MBNL3: variants seen among roughly 807,000 people sequenced by gnomAD.
MBNL3 encodes muscleblind like splicing regulator 3.
A neutral mutation model predicts 24.5 loss-of-function variants in MBNL3; 6 were observed. That is an observed-to-expected ratio of 0.25 (90% CI 0.13 to 0.48). The LOEUF (loss-of-function observed/expected upper bound fraction) is 0.48, where lower values mean the gene tolerates loss of function less well. Among genes scored for constraint, MBNL3 ranks in the 20% least tolerant of loss-of-function variants. The pLI is 0.99. For synonymous variants in MBNL3, 100 were observed against 101.7 expected, an observed-to-expected ratio of 0.98 and a Z score of 0.10; for missense variants, 230 against 293.5, an observed-to-expected ratio of 0.78 and a Z score of 1.58.
At position 132,487,955 on chromosome X, in the gene MBNL3, C is replaced by G. The variant is rs760916508; in HGVS notation, c.-704+896G>C. The stretch of plus-strand genomic sequence containing the variant: ...TTTCCAAACATTATATCAGTAATCA[C>G]CCAAACGTTTATTCACTAAAGCAGG... On this transcript the variant is annotated intron_variant, in intron 1 of 8. Coordinates refer to ENST00000370853, the MANE Select transcript of MBNL3 (RefSeq NM_001386889.1). Among the ~76,000 whole-genome samples, 9 of 111,728 alleles carry G rather than the reference C, an allele frequency of 8.1e-5. No individual in the cohort carries two copies. The East Asian group carries it at 2.3e-3, about 28-fold the overall frequency.
intron 2 of MBNL3, among the ~76,000 whole-genome samples, chrX:132,423,361 CT>C (rs1275417005): frequency 2.2e-4 from 25 of 111,189 alleles, no homozygotes; most frequent in Admixed American, 1.7e-3. Context: ...AAAACTGCCC[CT>C]CAGCTCTCCA....
At chrX:132,379,744 C>A in intron 8 of MBNL3, 67 bp from the exon 9 acceptor site, 1 of 917,639 alleles carries the variant, frequency 1.1e-6, no homozygotes, top group Non-Finnish European at 1.6e-6. Context: ...AAGGAAGAGT[C>A]AGGAGAGTGT....
intron 1 of MBNL3, among the ~76,000 whole-genome samples, chrX:132,445,634 T>C: frequency 1.8e-5 from 2 of 111,162 alleles, no homozygotes; most frequent in Middle Eastern, 4.6e-3. Context: ...AGTTCATACA[T>C]ATAATCATAA....
chrX:132,485,728 C>A (rs1947978111), intron 1 of MBNL3, among the ~76,000 whole-genome samples: 1 of 112,254 alleles, frequency 8.9e-6, no homozygotes, highest in Non-Finnish European at 1.9e-5. Context: ...CAACTTGCTC[C>A]CAGACACAGT....
intron 2 of MBNL3, among the ~76,000 whole-genome samples, chrX:132,416,514 T>C (rs943223133): frequency 9.0e-6 from 1 of 111,547 alleles, no homozygotes; most frequent in Non-Finnish European, 1.9e-5. Flanking sequence ...AGGTCTAGTA[T>C]TCAGTAGCAC....
intron 1 of MBNL3, among the ~76,000 whole-genome samples, chrX:132,448,224 C>G (rs1165681306): frequency 1.8e-5 from 2 of 111,786 alleles, no homozygotes; most frequent in Admixed American, 1.9e-4. Flanking sequence ...ATGGGACCAG[C>G]TCCTCTTTGT....
At position 132,395,971 on chromosome X, in the gene MBNL3, G is replaced by A. The variant is rs181137761; in HGVS notation, c.343-3637C>T. Among the ~76,000 whole-genome samples the A allele has an allele frequency of 4.1e-4, 45 of 110,568 alleles. No homozygotes were observed. The East Asian group carries it at 0.012, about 29-fold the overall frequency. On this transcript the variant is annotated intron_variant, in intron 3 of 8. Transcript: ENST00000370853. ...CATAAGCCAAATTCAGCCTGCCTGTGTTTTTGTATGGCCAGCAATCTAAGA... is the reference window on the plus strand; with the variant it reads ...CATAAGCCAAATTCAGCCTGCCTGTATTTTTGTATGGCCAGCAATCTAAGA...
chrX:132,453,313 G>C (rs1946202739), intron 1 of MBNL3, among the ~76,000 whole-genome samples: 1 of 111,718 alleles, frequency 9.0e-6, no homozygotes. Context: ...TTTACTTAAG[G>C]AGCCCACAGC....
chrX:132,408,117 TTTTTTTTTTTTTTTTTTTTTTTTTTTTTA>T (rs1942144374), intron 2 of MBNL3, among the ~76,000 whole-genome samples: 1 of 48,369 alleles, frequency 2.1e-5, no homozygotes, highest in Non-Finnish European at 4.2e-5. Flanking sequence ...TTTTTTTTTT[TTTTTTTTTTTTTTTTTTTTTTTTTTTTTA>T]CCAATTGCAG....
At chrX:132,482,254 A>G (rs1947777517) in intron 1 of MBNL3, among the ~76,000 whole-genome samples, 1 of 112,507 alleles carries the variant, frequency 8.9e-6, no homozygotes, top group African/African-American at 3.2e-5. Flanking sequence ...GAAATGACAA[A>G]TGTTTGAGGT....
chrX:132,426,311 G>T (rs1944301106), intron 2 of MBNL3, among the ~76,000 whole-genome samples: 1 of 111,913 alleles, frequency 8.9e-6, no homozygotes, highest in Non-Finnish European at 1.9e-5. Flanking sequence ...TCAGTAGGCT[G>T]GAGGGAAATA....
chrX:132,464,368 G>A (rs1427282418), intron 1 of MBNL3, among the ~76,000 whole-genome samples: 1 of 112,156 alleles, frequency 8.9e-6, no homozygotes, highest in Non-Finnish European at 1.9e-5. Flanking sequence ...CAATGCACCT[G>A]AGAAAATGTA....
At chrX:132,382,938 A>C (rs1270022219) in intron 7 of MBNL3, among the ~76,000 whole-genome samples, 1 of 112,356 alleles carries the variant, frequency 8.9e-6, no homozygotes, top group Non-Finnish European at 1.9e-5. Flanking sequence ...TCAAACAAAT[A>C]CATGGAGTAC....
chrX:132,392,454 T>C, intron 3 of MBNL3, 120 bp from the exon 4 acceptor site: 1 of 580,002 alleles, frequency 1.7e-6, no homozygotes. Context: ...TTACTATTGT[T>C]TTCTTCTGAT....
At chrX:132,396,919 T>A (rs1405777115) in intron 3 of MBNL3, among the ~76,000 whole-genome samples, 1 of 73,770 alleles carries the variant, frequency 1.4e-5, no homozygotes, top group African/African-American at 5.5e-5. Context: ...TATATACATA[T>A]ATATTCATAT....
chrX:132,487,398 C>T (rs756754430), intron 1 of MBNL3, among the ~76,000 whole-genome samples: 296 of 112,408 alleles, frequency 2.6e-3, no homozygotes, highest in Admixed American at 4.9e-3. Flanking sequence ...ATATGAAAAA[C>T]TGCTGAAAAT....
At chrX:132,474,660 TG>T (rs1390786594) in intron 1 of MBNL3, among the ~76,000 whole-genome samples, 1 of 111,930 alleles carries the variant, frequency 8.9e-6, no homozygotes, top group Non-Finnish European at 1.9e-5. Flanking sequence ...ACATATTCCA[TG>T]CTTGACAGAC....
In MBNL3 at chrX:132,371,481, C is replaced by A. The variant is rs1025885968; in HGVS notation, c.*8185G>T. 8.9e-6 allele frequency: 1 copy of A among 111,806 alleles called. No individual in the cohort carries two copies. Among genetic ancestry groups the A allele is most frequent in the African/African-American group, 3.2e-5 (1 of 30,827 alleles). 9.2% of individuals were successfully genotyped at this position (111,806 alleles called of 1,213,427 possible). ...TACTGTGCCATTTGTTGAAGATAAC[C>A]AATTTTAAGTGAGAGAAAACATTTT... is the stretch of plus-strand genomic sequence containing the variant. On this transcript the variant is annotated 3_prime_UTR_variant, in exon 9 of 9. Transcript: ENST00000370853.
rs765846807 is a variant in MBNL3, at chrX:132,374,308, GCA to G, written c.*5356_*5357del. On this transcript the variant is annotated 3_prime_UTR_variant, in exon 9 of 9. Coordinates refer to ENST00000370853, the MANE Select transcript of MBNL3 (RefSeq NM_001386889.1). ...GGTGTGTGTGTGTGTGTGTGTGTGTGCACACGTGTGTGTGTGTTTATAGGGGG... is the reference window on the plus strand; with the variant it reads ...GGTGTGTGTGTGTGTGTGTGTGTGTGCACGTGTGTGTGTGTTTATAGGGGG... The G allele has an allele frequency of 9.7e-6, 1 of 102,878 alleles. No individual in the cohort carries two copies. Among genetic ancestry groups the G allele is most frequent in the Non-Finnish European group, 2.0e-5 (1 of 49,849 alleles). 8.5% of individuals were successfully genotyped at this position (102,878 alleles called of 1,213,427 possible).
Sources: allele counts gnomAD v4.1 joint callset (sites outside exome capture counted in the v4.1 genomes callset), GRCh38; gene constraint gnomAD v4.1.1; transcripts MANE v1.5; gene names NCBI Gene and HGNC (gene_info 2026-07-23, HGNC 2026-07-21).